Variants in PDE1C observed in about 807,000 individuals in gnomAD.
The protein encoded by PDE1C is dual specificity calcium/calmodulin-dependent 3',5'-cyclic nucleotide phosphodiesterase 1C.
Under a neutral mutation model 93.1 loss-of-function variants are expected in PDE1C, and 62 were observed. The ratio of observed to expected loss-of-function variants is 0.67; its 90% CI spans 0.54 to 0.82. The LOEUF is 0.82. Ranked by LOEUF, PDE1C falls within the 40% of genes least tolerant of loss-of-function variation. The probability of loss-of-function intolerance (pLI) is 0.00; values close to 1 mark genes in which losing one functional copy is unlikely to be tolerated. For synonymous variants in PDE1C, 325 were observed against 310.1 expected (o/e 1.05, Z -0.50); for missense variants, 742 against 884.6 (o/e 0.84, Z 2.04).
the PDE1C span, among the ~76,000 whole-genome samples, chr7:31,652,280 G>C: frequency 1.3e-5 from 2 of 152,106 alleles, no homozygotes; most frequent in African/African-American, 4.8e-5. Flanking sequence ...CCCTTGCCCT[G>C]TACATCATAG....
At chr7:32,129,540 T>TGC (rs1799806834) in intron 3 of PDE1C, among the ~76,000 whole-genome samples, 8 of 123,728 alleles carry the variant, frequency 6.5e-5, no homozygotes, top group African/African-American at 2.0e-4. Flanking sequence ...TAAAATATAA[T>TGC]AAATAACCCT....
chr7:31,689,842 G>A, the PDE1C span, among the ~76,000 whole-genome samples: 2 of 152,164 alleles, frequency 1.3e-5, no homozygotes, highest in Non-Finnish European at 2.9e-5. Context: ...TGCACGGCAT[G>A]GGATATTCTT....
chr7:31,999,992 G>C lies in PDE1C; in HGVS notation c.128+51562C>G, dbSNP rs369410610. Among the ~76,000 whole-genome samples the C allele has an allele frequency of 1.1e-4, 17 of 152,272 alleles. 3 individuals carry two copies. Among genetic ancestry groups the C allele is most frequent in the Admixed American group, 6.5e-5 (1 of 15,300 alleles). Reference sequence around the variant, plus strand: ...TTGAGAGAATCAGATTACAAAAACAGTTCTGCCACTACCTATGGCACAAAT... The same window carrying C: ...TTGAGAGAATCAGATTACAAAAACACTTCTGCCACTACCTATGGCACAAAT... On this transcript the variant is annotated intron_variant, in intron 2 of 17. Transcript: ENST00000396191.
intron 2 of PDE1C, among the ~76,000 whole-genome samples, chr7:31,959,742 A>C (rs1349168278): frequency 6.6e-6 from 1 of 152,194 alleles, no homozygotes; most frequent in Non-Finnish European, 1.5e-5. Context: ...ATGCTTCTTA[A>C]GGAGGAGAAT....
chr7:31,680,766 C>T, the PDE1C span, among the ~76,000 whole-genome samples: 4 of 152,046 alleles, frequency 2.6e-5, no homozygotes, highest in African/African-American at 9.7e-5. Context: ...TAGACCAGGA[C>T]CCAGAGGCTG....
rs1467853730 is a variant in PDE1C at position 32,088,283 on chromosome 7, T to A, written c.308+81502A>T. 3.3e-5 allele frequency among the ~76,000 whole-genome samples: 5 copies of A among 152,238 alleles called. No homozygotes were observed. The East Asian group carries it at 9.7e-4, about 29-fold the overall frequency. On this transcript the variant is annotated intron_variant, in intron 3 of 18. Transcript: ENST00000396193. ...CTTCCGAAAATGTAGTGATTGGACT[T>A]TTTTTTAATACCAGTTAAGCAGGTG...
the PDE1C span, among the ~76,000 whole-genome samples, chr7:31,709,754 G>T: frequency 6.6e-6 from 1 of 152,112 alleles, no homozygotes; most frequent in Non-Finnish European, 1.5e-5. Flanking sequence ...GACTTTTTCT[G>T]GCCAGGTAAA....
rs1563048877 is a variant in PDE1C at position 31,928,219 on chromosome 7, G to C, written c.129-47359C>G. On this transcript the variant is annotated intron_variant, in intron 2 of 17. Coordinates refer to ENST00000396191, the MANE Select transcript of PDE1C (RefSeq NM_001191057.4). ...TTGAATATCAACTTAATGAAATGAA[G>C]AGTGAAGACAAGATTAGAGAAAAAA... Among the ~76,000 whole-genome samples, 3 of 151,976 alleles carry C rather than the reference G, an allele frequency of 2.0e-5. No individual in the cohort carries two copies. In the South Asian group the frequency reaches 6.2e-4, roughly 32 times the overall value.
intron 1 of PDE1C, among the ~76,000 whole-genome samples, chr7:32,410,426 AGAGGAGGAG>A (rs988025243): frequency 6.6e-6 from 1 of 151,430 alleles, no homozygotes; most frequent in South Asian, 2.1e-4. Flanking sequence ...AAGAAGAGGA[AGAGGAGGAG>A]GAGGAGGTGG....
intron 1 of PDE1C, among the ~76,000 whole-genome samples, chr7:32,254,995 T>C (rs1468093860): frequency 6.6e-6 from 1 of 152,226 alleles, no homozygotes; most frequent in African/African-American, 2.4e-5. Flanking sequence ...TTCTTAGGAA[T>C]CTGCCAAATG....
the PDE1C span, among the ~76,000 whole-genome samples, chr7:31,626,905 A>G: frequency 6.6e-6 from 1 of 152,262 alleles, no homozygotes; most frequent in African/African-American, 2.4e-5. Context: ...TGGGATAAAC[A>G]AATAAATATA....
At chr7:32,345,741 T>C (rs1585119066) in intron 1 of PDE1C, among the ~76,000 whole-genome samples, 1 of 152,112 alleles carries the variant, frequency 6.6e-6, no homozygotes, top group South Asian at 2.1e-4. Context: ...AATAAACACA[T>C]GAAAAAATTT....
chr7:32,329,166 A>C (rs1783463405), intron 1 of PDE1C, among the ~76,000 whole-genome samples: 1 of 152,208 alleles, frequency 6.6e-6, no homozygotes, highest in Non-Finnish European at 1.5e-5. Context: ...CAGGAAGTCA[A>C]GGCTGCAGTA....
the PDE1C span, among the ~76,000 whole-genome samples, chr7:31,733,897 G>A: frequency 3.0e-4 from 45 of 152,194 alleles, no homozygotes; most frequent in Admixed American, 1.0e-3. Context: ...CCAGCTACTC[G>A]GGAGGCTGAG....
intron 1 of PDE1C, among the ~76,000 whole-genome samples, chr7:32,341,644 G>A (rs1167868691): frequency 1.3e-5 from 2 of 152,096 alleles, no homozygotes; most frequent in African/African-American, 4.8e-5. Flanking sequence ...AGTTTGGAGG[G>A]GCATGCTGAG....
intron 17 of PDE1C, among the ~76,000 whole-genome samples, chr7:31,766,721 T>C (rs533542755): frequency 6.6e-6 from 1 of 152,336 alleles, no homozygotes; most frequent in South Asian, 2.1e-4. Flanking sequence ...TTAGAAAGCA[T>C]ATATCTTGTT....
intron 1 of PDE1C, among the ~76,000 whole-genome samples, chr7:32,420,794 G>C (rs933099712): frequency 6.6e-6 from 1 of 152,128 alleles, no homozygotes; most frequent in African/African-American, 2.4e-5. Context: ...GGGCAAGTTT[G>C]AGCAGAGCCC....
intron 6 of PDE1C, among the ~76,000 whole-genome samples, chr7:31,871,346 A>T (rs948897678): frequency 2.0e-5 from 3 of 152,112 alleles, no homozygotes; most frequent in Non-Finnish European, 2.9e-5. Flanking sequence ...AACACAGGCA[A>T]TAAAAACAAA....
chr7:31,764,785 A>T lies in PDE1C; in HGVS notation c.1960+10879T>A, dbSNP rs576312617. 1.9e-3 allele frequency among the ~76,000 whole-genome samples: 289 copies of T among 152,266 alleles called. 2 individuals are homozygous for T. Among genetic ancestry groups the T allele is most frequent in the African/African-American group, 6.7e-3 (279 of 41,540 alleles). On this transcript the variant is annotated intron_variant, in intron 17 of 17. Transcript: ENST00000396191. ...GGTATGCAGTATATGCATCCCCAGAACTTAATCACAGTATTAACTGGTGGT... is the reference window on the plus strand; with the variant it reads ...GGTATGCAGTATATGCATCCCCAGATCTTAATCACAGTATTAACTGGTGGT...
Sources: gnomAD v4.1 joint callset for allele counts (sites outside exome capture counted in the v4.1 genomes callset) on GRCh38, gnomAD v4.1.1 for gene constraint, MANE v1.5 for transcripts, NCBI Gene and HGNC (gene_info 2026-07-23, HGNC 2026-07-21) for gene names.